The following SDK1 variants were observed in gnomAD, a reference collection of about 807,000 sequenced individuals.
The protein encoded by SDK1 is protein sidekick-1.
Under a neutral mutation model 245.5 loss-of-function variants are expected in SDK1, and 157 were observed. The ratio of observed to expected loss-of-function variants is 0.64; its 90% CI spans 0.56 to 0.73. SDK1 has a LOEUF of 0.73. Among genes scored for constraint, SDK1 ranks in the 30% least tolerant of loss-of-function variants. SDK1 has a pLI of 0.00. For missense variants in SDK1, 3,583 were observed against 3,002.3 expected (o/e 1.19, Z -4.52); for synonymous variants, 1,647 against 1,278.5 (o/e 1.29, Z -6.15).
intron 5 of SDK1, among the ~76,000 whole-genome samples, chr7:3,838,135 A>G (rs1168412104): frequency 1.3e-5 from 2 of 152,176 alleles, no homozygotes; most frequent in African/African-American, 2.4e-5. Context: ...GCATGCATTC[A>G]TGGTCTATAG....
At chr7:3,427,605 T>G (rs972555972) in intron 1 of SDK1, among the ~76,000 whole-genome samples, 1 of 152,088 alleles carries the variant, frequency 6.6e-6, no homozygotes. Flanking sequence ...TTCTTCATCT[T>G]GTCATACGAT....
At chr7:3,395,415 G>C (rs138483361) in intron 1 of SDK1, among the ~76,000 whole-genome samples, 4 of 151,876 alleles carry the variant, frequency 2.6e-5, no homozygotes, top group African/African-American at 9.6e-5. Context: ...AGAGATACTG[G>C]TTTGTAGTTT....
chr7:3,716,272 A>T (rs1180543548), intron 4 of SDK1, among the ~76,000 whole-genome samples: 3 of 152,184 alleles, frequency 2.0e-5, no homozygotes. Flanking sequence ...TGGGGGAAAA[A>T]AAAAACTCCA....
intron 1 of SDK1, among the ~76,000 whole-genome samples, chr7:3,342,718 C>T (rs529511894): frequency 1.3e-5 from 2 of 152,156 alleles, no homozygotes; most frequent in East Asian, 3.9e-4. Context: ...ACTTTTTCTC[C>T]ATGAAAGAGC....
At chr7:3,355,601 A>G (rs1012744480) in intron 1 of SDK1, among the ~76,000 whole-genome samples, 3 of 152,054 alleles carry the variant, frequency 2.0e-5, no homozygotes, top group African/African-American at 4.8e-5. Context: ...TGTTCCCTCC[A>G]TCTTCACGGT....
chr7:3,879,589 C>T (rs1426253994), intron 5 of SDK1, among the ~76,000 whole-genome samples: 5 of 152,324 alleles, frequency 3.3e-5, no homozygotes, highest in Admixed American at 2.6e-4. Context: ...GCCACGCTCC[C>T]GGTACTCAGC....
intron 1 of SDK1, among the ~76,000 whole-genome samples, chr7:3,417,456 T>C (rs941099872): frequency 6.6e-6 from 1 of 152,156 alleles, no homozygotes; most frequent in Non-Finnish European, 1.5e-5. Context: ...TCTCTTTTTT[T>C]TCTCTCTCTT....
chr7:3,780,473 AAT>A (rs1238560553), intron 4 of SDK1, among the ~76,000 whole-genome samples: 1 of 152,162 alleles, frequency 6.6e-6, no homozygotes, highest in Non-Finnish European at 1.5e-5. Flanking sequence ...TGTGGCTCCC[AAT>A]AGCAGATACC....
chr7:3,352,006 A>G (rs1200100400), intron 1 of SDK1, among the ~76,000 whole-genome samples: 2 of 152,144 alleles, frequency 1.3e-5, no homozygotes, highest in Admixed American at 1.3e-4. Context: ...ATTTCAAATG[A>G]TTGAAATCAT....
At chr7:3,617,513 C>T (rs1381931192) in intron 1 of SDK1, among the ~76,000 whole-genome samples, 5 of 152,282 alleles carry the variant, frequency 3.3e-5, no homozygotes, top group Non-Finnish European at 5.9e-5. Context: ...GTGTCTCACT[C>T]CGTTTTCTGC....
chr7:4,186,277 A>C (rs560851517), intron 35 of SDK1, among the ~76,000 whole-genome samples: 4 of 152,234 alleles, frequency 2.6e-5, no homozygotes, highest in African/African-American at 9.6e-5. Flanking sequence ...GGCACAGACA[A>C]GCATGGCCGC....
intron 1 of SDK1, among the ~76,000 whole-genome samples, chr7:3,378,293 C>T (rs1049983896): frequency 2.0e-5 from 3 of 152,176 alleles, no homozygotes; most frequent in African/African-American, 7.2e-5. Flanking sequence ...GCTGATGGCA[C>T]TGGTTTTTTG....
chr7:3,775,499 T>C lies in SDK1; in HGVS notation c.714-45951T>C, dbSNP rs116518187. Among the ~76,000 whole-genome samples, 876 of 152,200 alleles carry C rather than the reference T, an allele frequency of 5.8e-3. 6 individuals carry two copies. Among genetic ancestry groups the C allele is most frequent in the African/African-American group, 0.02 (820 of 41,554 alleles). ...ATCTCCAGCTCTGACACATATGTGCTTGACTGGTCATTCACACTGATGTTT... is the reference window on the plus strand; with the variant it reads ...ATCTCCAGCTCTGACACATATGTGCCTGACTGGTCATTCACACTGATGTTT... On this transcript the variant is annotated intron_variant, in intron 4 of 44. Transcript: ENST00000404826.
chr7:3,854,448 C>G (rs1471233173), intron 5 of SDK1, among the ~76,000 whole-genome samples: 3 of 152,192 alleles, frequency 2.0e-5, no homozygotes, highest in Non-Finnish European at 4.4e-5. Flanking sequence ...TGTCTCATTT[C>G]CTTACCTGAA....
chr7:4,259,205 G>A lies in SDK1; in HGVS notation c.6382-5919G>A, dbSNP rs376930580. Among the ~76,000 whole-genome samples, 102 of 152,266 alleles carry A rather than the reference G, an allele frequency of 6.7e-4. 2 individuals are homozygous for A. The South Asian group carries it at 0.02, about 29-fold the overall frequency. On this transcript the variant is annotated intron_variant, in intron 44 of 44. Coordinates refer to ENST00000404826, the MANE Select transcript of SDK1 (RefSeq NM_152744.4). ...TGTAATCTCGGCACTTTGGGAGGCC[G>A]AGGTGGGCAAATCAGCTGAGGTCAG... is the stretch of plus-strand genomic sequence containing the variant.
chr7:4,132,434 GGCGGTGGCCGGGCGTGGTGGCTCAGGCCT>G lies in SDK1; in HGVS notation c.4228+13_4228+41del. ...ACGGCATCATCCTGGGTAAGGGAGCGGCGGTGGCCGGGCGTGGTGGCTCAGGCCTGTCATCCCAGCACCTTGGGAGACCG... is the reference window on the plus strand; with the variant it reads ...ACGGCATCATCCTGGGTAAGGGAGCGGTCATCCCAGCACCTTGGGAGACCG... On this transcript the variant is annotated intron_variant, in intron 28 of 44. Coordinates refer to ENST00000404826, the MANE Select transcript of SDK1 (RefSeq NM_152744.4). The G allele has an allele frequency of 6.3e-7, 1 of 1,590,332 alleles. No homozygotes were observed. The highest frequency in any genetic ancestry group is 8.6e-7 in the Non-Finnish European group (1 of 1,164,462).
intron 1 of SDK1, among the ~76,000 whole-genome samples, chr7:3,478,546 T>C (rs765256023): frequency 1.1e-4 from 17 of 152,072 alleles, no homozygotes; most frequent in Non-Finnish European, 1.6e-4. Context: ...TATTCAGTTA[T>C]CACAAATTTT....
intron 13 of SDK1, among the ~76,000 whole-genome samples, chr7:3,977,842 T>C (rs1365932915): frequency 1.3e-5 from 2 of 152,226 alleles, no homozygotes; most frequent in Non-Finnish European, 1.5e-5. Context: ...AAATATATGT[T>C]GGTTGGTTGC....
intron 2 of SDK1, among the ~76,000 whole-genome samples, chr7:3,635,816 C>T (rs563249099): frequency 6.6e-6 from 1 of 152,252 alleles, no homozygotes; most frequent in Non-Finnish European, 1.5e-5. Flanking sequence ...AGGTGATCTT[C>T]CCACCTCAGC....
Sources: gnomAD v4.1 joint callset for allele counts (sites outside exome capture counted in the v4.1 genomes callset) on GRCh38, gnomAD v4.1.1 for gene constraint, MANE v1.5 for transcripts, NCBI Gene and HGNC (gene_info 2026-07-23, HGNC 2026-07-21) for gene names.